CALB2: variants seen among roughly 807,000 people sequenced by gnomAD.
CALB2 encodes the protein calretinin.
A neutral mutation model predicts 45.9 loss-of-function variants in CALB2; 34 were observed. That is an observed-to-expected ratio of 0.74 (90% confidence interval 0.56 to 0.99). CALB2 has a LOEUF of 0.99. Ranked by LOEUF, CALB2 falls within the 50% of genes least tolerant of loss-of-function variation. The pLI, the probability that CALB2 is intolerant of heterozygous loss-of-function variation, is 0.00. For missense variants in CALB2, 344 were observed against 339.3 expected, an observed-to-expected ratio of 1.01 and a Z score of -0.11; for synonymous variants, 142 against 129.6, an observed-to-expected ratio of 1.10 and a Z score of -0.65.
At chr16:71,372,105 C>A (rs1263697478) in intron 1 of CALB2, 48 bp from the exon 2 acceptor site, 2 of 1,325,554 alleles carry the variant, frequency 1.5e-6, no homozygotes, top group African/African-American at 1.4e-5. Context: ...CCCCGTGCCC[C>A]CCTTACTATT....
intron 10 of CALB2, among the ~76,000 whole-genome samples, chr16:71,387,250 A>C (rs1221495214): frequency 6.6e-6 from 1 of 152,210 alleles, no homozygotes; most frequent in East Asian, 1.9e-4. Flanking sequence ...GCTTGACTCC[A>C]AGTATGGAAA....
chr16:71,383,999 C>G lies in CALB2; in HGVS notation c.507C>G (p.Gly169=). ...GGATGTTTGACTTGAACGGGGATGG[C>G]AAATTGGGCCTCTCAGAGATGTCCC... ...ILRMFDLNGD[G]KLGLSEMSRL... Residue 169 remains glycine (G), a synonymous_variant, in exon 7 of 11, where the codon GGC becomes GGG. Transcript: ENST00000302628. 1.2e-6 allele frequency: 2 copies of G among 1,613,890 alleles called. No homozygotes were observed. Among genetic ancestry groups the G allele is most frequent in the Non-Finnish European group, 1.7e-6 (2 of 1,179,870 alleles).
At chr16:71,365,206 G>C (rs1336529493) in intron 1 of CALB2, among the ~76,000 whole-genome samples, 1 of 152,178 alleles carries the variant, frequency 6.6e-6, no homozygotes, top group African/African-American at 2.4e-5. Context: ...CAAGCGGCCT[G>C]GCCTCCTGGA....
intron 1 of CALB2, among the ~76,000 whole-genome samples, chr16:71,366,272 A>G (rs2042286644): frequency 7.0e-6 from 1 of 142,028 alleles, no homozygotes; most frequent in Non-Finnish European, 1.5e-5. Context: ...TGATCCACCC[A>G]CCTCAGCCTC....
At chr16:71,383,092 C>T (rs895475525) in intron 5 of CALB2, among the ~76,000 whole-genome samples, 1 of 152,144 alleles carries the variant, frequency 6.6e-6, no homozygotes, top group African/African-American at 2.4e-5. Flanking sequence ...CCCAGTGATT[C>T]CCCAGGCACT....
At chr16:71,384,054 T>C (rs773170546) in intron 7 of CALB2, 29 bp downstream of exon 7, 27 of 1,607,386 alleles carry the variant, frequency 1.7e-5, no homozygotes, top group Non-Finnish European at 2.2e-5. Flanking sequence ...GGGTCACTGA[T>C]ACTGGCTCCC....
intron 3 of CALB2, 55 bp from the exon 4 acceptor site, chr16:71,377,612 C>G (rs1313787109): frequency 5.4e-6 from 7 of 1,292,250 alleles, no homozygotes; most frequent in East Asian, 2.3e-5. Context: ...AAAATCTGCT[C>G]TGCTCCCTGT....
chr16:71,367,351 C>T (rs1278514777), intron 1 of CALB2, among the ~76,000 whole-genome samples: 1 of 152,144 alleles, frequency 6.6e-6, no homozygotes, highest in Admixed American at 6.5e-5. Context: ...TGACCAGTCA[C>T]CCCACCCGCT....
intron 1 of CALB2, 62 bp from the exon 2 acceptor site, chr16:71,372,091 C>A: frequency 1.7e-6 from 2 of 1,159,500 alleles, no homozygotes; most frequent in Non-Finnish European, 2.6e-6. Context: ...CCCCGACATG[C>A]CCACCCCGTG....
At chr16:71,369,139 C>T (rs965184089) in intron 1 of CALB2, among the ~76,000 whole-genome samples, 41 of 152,104 alleles carry the variant, frequency 2.7e-4, no homozygotes, top group Non-Finnish European at 3.8e-4. Flanking sequence ...GCAGCATGGG[C>T]GGGAAGCACA....
At chr16:71,369,041 G>A (rs1477720635) in intron 1 of CALB2, among the ~76,000 whole-genome samples, 3 of 152,122 alleles carry the variant, frequency 2.0e-5, no homozygotes, top group African/African-American at 7.2e-5. Flanking sequence ...GTGGGGCGGG[G>A]CTCCGTGCTA....
At chr16:71,379,310 TAAATA>T (rs2042457735) in intron 4 of CALB2, among the ~76,000 whole-genome samples, 2 of 134,000 alleles carry the variant, frequency 1.5e-5, no homozygotes, top group Non-Finnish European at 3.4e-5. Context: ...AATAAATAAA[TAAATA>T]AAATTAGCAT....
chr16:71,360,372 T>G lies in CALB2; in HGVS notation c.94+1486T>G, dbSNP rs549086326. On this transcript the variant is annotated intron_variant, in intron 1 of 10. Transcript: ENST00000302628. ...CTGTGATCTGCCTATGAATTACTGA[T>G]GGAAGTGGGTAGATTGTTAAATCTG... 3.9e-5 allele frequency among the ~76,000 whole-genome samples: 6 copies of G among 152,296 alleles called. No homozygotes were observed. The South Asian group carries it at 1.2e-3, about 32-fold the overall frequency.
At chr16:71,377,465 G>A (rs529476369) in intron 3 of CALB2, among the ~76,000 whole-genome samples, 16 of 152,244 alleles carry the variant, frequency 1.1e-4, no homozygotes, top group Admixed American at 7.8e-4. Flanking sequence ...CCTTAAGGTT[G>A]GGACGACTCA....
At chr16:71,377,481 ACTTCT>A (rs1211999901) in intron 3 of CALB2, among the ~76,000 whole-genome samples, 181 bp from the exon 4 acceptor site, 1 of 152,148 alleles carries the variant, frequency 6.6e-6, no homozygotes, top group Non-Finnish European at 1.5e-5. Flanking sequence ...ACTCAAAAGC[ACTTCT>A]CTGAACATCC....
intron 10 of CALB2, among the ~76,000 whole-genome samples, chr16:71,386,781 A>T (rs2042575994): frequency 6.6e-6 from 1 of 152,222 alleles, no homozygotes; most frequent in Non-Finnish European, 1.5e-5. Flanking sequence ...CAATTTCAGG[A>T]AAAAATTATC....
chr16:71,382,759 A>G lies in CALB2; in HGVS notation c.383A>G (p.Glu128Gly). The change falls in exon 5 of 11, where the codon GAA (glutamate) becomes GGA (glycine). Residue 128 changes from glutamate (E) to glycine (G), a missense_variant. Physicochemically the swap from Glu to Gly is moderately conservative, Grantham distance 98 (BLOSUM62 -2). Transcript: ENST00000302628. ...KYDTDRSGYI[E>G]ANELKGFLSD... The stretch of plus-strand genomic sequence containing the variant: ...GACACAGACAGGAGTGGCTACATCG[A>G]AGCCAATGAGCTCAAGGTAGGATGG... 4 of 1,612,148 alleles carry G rather than the reference A, an allele frequency of 2.5e-6. No individual in the cohort carries two copies. Among genetic ancestry groups the G allele is most frequent in the Non-Finnish European group, 3.4e-6 (4 of 1,179,086 alleles).
chr16:71,377,790 C>T, intron 4 of CALB2, 43 bp downstream of exon 4: 2 of 1,448,498 alleles, frequency 1.4e-6, no homozygotes, highest in South Asian at 2.3e-5. Flanking sequence ...CTGGGACCTG[C>T]CTTCCTCCTG....
chr16:71,379,228 G>A (rs2042455257), intron 4 of CALB2, among the ~76,000 whole-genome samples: 1 of 151,938 alleles, frequency 6.6e-6, no homozygotes, highest in Admixed American at 6.6e-5. Context: ...AGTGAGCCAA[G>A]ATCGTGCCAC....
Sources: gnomAD v4.1 joint callset for allele counts (sites outside exome capture counted in the v4.1 genomes callset) on GRCh38, gnomAD v4.1.1 for gene constraint, MANE v1.5 for transcripts, NCBI Gene and HGNC (gene_info 2026-07-23, HGNC 2026-07-21) for gene names.